The following GPT variants were observed in gnomAD, a reference collection of about 807,000 sequenced individuals.
GPT encodes the protein alanine aminotransferase 1.
Under a neutral mutation model 51.4 loss-of-function variants are expected in GPT, and 60 were observed. The observed-to-expected ratio is 1.17, with a 90% CI of 0.95 to 1.45. The LOEUF is 1.45. GPT is among the 40% of genes most tolerant of loss of function. GPT has a pLI of 0.00. For missense variants in GPT, 853 were observed against 704.0 expected (o/e 1.21, Z -2.40); for synonymous variants, 397 against 303.1 (o/e 1.31, Z -3.22).
In GPT at chr8:144,504,638, C is replaced by G. The variant is rs538669846; in HGVS notation, c.197C>G (p.Ala66Gly). Residue 66 changes from alanine (A) to glycine (G), a missense_variant, in exon 2 of 11, where the codon GCC (alanine) becomes GGC (glycine). By Grantham distance (60) the Ala-to-Gly change is moderately conservative. Transcript: ENST00000394955. ...VKKPFTEVIRANIGDAQAMGQ... is the reference protein window; with the variant it reads ...VKKPFTEVIRGNIGDAQAMGQ... ...AAGCCTTTCACCGAGGTCATCCGTG[C>G]CAACATCGGGGACGCACAGGCTATG... is the stretch of plus-strand genomic sequence containing the variant. The G allele has an allele frequency of 6.2e-7, 1 of 1,613,308 alleles. No individual in the cohort carries two copies. Among genetic ancestry groups the G allele is most frequent in the African/African-American group, 1.3e-5 (1 of 75,068 alleles).
At chr8:144,505,189 G>A (rs1228602672) in intron 4 of GPT, 57 bp from the exon 5 acceptor site, 1 of 1,612,506 alleles carries the variant, frequency 6.2e-7, no homozygotes, top group Non-Finnish European at 8.5e-7. Context: ...CGCCCAGGGT[G>A]GGGGACAGGT....
Position 144,506,987 on chromosome 8 carries a change from T to G in GPT, c.1478T>G (p.Leu493Arg). 6.2e-7 allele frequency: 1 copy of G among 1,611,936 alleles called. No homozygotes were observed. Among genetic ancestry groups the G allele is most frequent in the African/African-American group, 1.3e-5 (1 of 74,894 alleles). ...AGCAGGTTCCATGCCAAGTTCACCCTCGAGTACTCCTGAGCACCCCAGCTG... is the reference window on the plus strand; with the variant it reads ...AGCAGGTTCCATGCCAAGTTCACCCGCGAGTACTCCTGAGCACCCCAGCTG... Reference protein sequence around the residue: ...KLSRFHAKFTLEYS With the variant: ...KLSRFHAKFTREYS Residue 493 changes from leucine (L) to arginine (R), a missense_variant, in exon 11 of 11, where the codon CTC becomes CGC. Leu to Arg is a moderately radical substitution (Grantham distance 102). Transcript: ENST00000394955. The surrounding 1 kb of genome is among the most constrained non-coding windows in gnomAD (Gnocchi z 7.0).
rs777094565 is a variant in GPT at position 144,504,759 on chromosome 8, C to T, written c.253-12C>T. ...GCCCATGTGCCCTGGCCTCAGCACT[C>T]CGTCTTCCCAGGTCTTGGCCCTCTG... On this transcript the variant is annotated splice_polypyrimidine_tract_variant and intron_variant, in intron 2 of 10. Coordinates refer to ENST00000394955, the MANE Select transcript of GPT (RefSeq NM_005309.3). 5 of 1,610,816 alleles carry T rather than the reference C, an allele frequency of 3.1e-6. No individual in the cohort carries two copies. Among genetic ancestry groups the T allele is most frequent in the Non-Finnish European group, 4.2e-6 (5 of 1,177,418 alleles).
Position 144,506,695 on chromosome 8 carries a change from G to GGGGGGGGGGGGGGC in GPT, c.1288-36_1288-35insGGGGGGGGGGGGGC. ...GGGGCCTGCGGGGTGGGCAGGGGGG[G>GGGGGGGGGGGGGGC]CCGGGCATCCCTCTCTGACGGCTCT... is the stretch of plus-strand genomic sequence containing the variant. On this transcript the variant is annotated intron_variant, in intron 9 of 10. Transcript: ENST00000394955. The surrounding 1 kb of genome is among the most constrained non-coding windows in gnomAD (Gnocchi z 7.0). 6.7e-7 allele frequency: 1 copy of GGGGGGGGGGGGGGC among 1,498,262 alleles called. No homozygotes were observed. The highest frequency in any genetic ancestry group is 9.2e-7 in the Non-Finnish European group (1 of 1,082,374). The allele number at this position is 1,498,262 out of a possible 1,614,324, so 92.8% of individuals were successfully genotyped here. A position where few individuals can be genotyped will look rare whatever the true frequency, so the allele number is the denominator to read the frequency against.
chr8:144,505,807 C>T (rs375436494), intron 5 of GPT, 41 bp from the exon 6 acceptor site: 1 of 1,533,006 alleles, frequency 6.5e-7, no homozygotes, highest in Non-Finnish European at 8.8e-7. Flanking sequence ...GCAGTGCGCC[C>T]CCTTGGCTCA....
rs1330827081 is a variant in GPT at position 144,505,129 on chromosome 8, G to A, written c.493G>A (p.Val165Met). ...GTCCACAGGGGCCAGCGATGCCATCGTGGTAGGCTGGGCATGGGCACCAAG... is the reference window on the plus strand; with the variant it reads ...GTCCACAGGGGCCAGCGATGCCATCATGGTAGGCTGGGCATGGGCACCAAG... The part of the protein sequence containing the change: ...FLSTGASDAI[V>M]TVLKLLVAGE... Residue 165 changes from valine (V) to methionine (M), a missense_variant and splice_region_variant, in exon 4 of 11, where the codon GTG (valine) becomes ATG (methionine). By Grantham distance (21) the Val-to-Met change is conservative. Coordinates refer to ENST00000394955, the MANE Select transcript of GPT (RefSeq NM_005309.3). 12 of 1,612,878 alleles carry A rather than the reference G, an allele frequency of 7.4e-6. No individual in the cohort carries two copies. The highest frequency in any genetic ancestry group is 1.6e-4 in the Middle Eastern group (1 of 6,084).
rs1292211792 is a variant in GPT, at chr8:144,506,419, C to T, written c.1131+13C>T. On this transcript the variant is annotated intron_variant, in intron 8 of 10. Transcript: ENST00000394955. The surrounding 1 kb of genome is among the most constrained non-coding windows in gnomAD (Gnocchi z 7.0). ...GCAGTTCCAGGCTGTGAGTTGGGGG[C>T]AGGAGGGGGTCCAGGTGACCTAATC... 2 of 1,560,294 alleles carry T rather than the reference C, an allele frequency of 1.3e-6. No individual in the cohort carries two copies. The highest frequency in any genetic ancestry group is 2.4e-5 in the East Asian group (1 of 42,300).
chr8:144,505,708 C>T (rs1476096996), intron 5 of GPT, 140 bp from the exon 6 acceptor site: 3 of 508,432 alleles, frequency 5.9e-6, no homozygotes, highest in Non-Finnish European at 1.0e-5. Context: ...CGGTGCGTTC[C>T]CCGCCGCCCC....
At chr8:144,503,081 T>C, upstream of GPT, 1 of 152,476 alleles carries the variant, frequency 6.6e-6, no homozygotes, top group Non-Finnish European at 1.5e-5. Context: ...GGGGCAGGCC[T>C]GCGCACGGGG....
Position 144,505,431 on chromosome 8 carries a change from GGCGC to G in GPT, c.683_686del (p.Ala228ValfsTer30). The G allele has an allele frequency of 6.2e-7, 1 of 1,600,384 alleles. No individual in the cohort carries two copies. Among genetic ancestry groups the G allele is most frequent in the East Asian group, 2.3e-5 (1 of 44,318 alleles). On this transcript the variant is annotated frameshift_variant, in exon 5 of 11. Coordinates refer to ENST00000394955, the MANE Select transcript of GPT (RefSeq NM_005309.3). LOFTEE classifies it high-confidence loss of function. ...CCGAGCTTCACCGTGCACTGGGCCA[GGCGC>G]GTGACCACTGCCGCCCTCGTGCGCT...
Position 144,507,114 on chromosome 8 carries a change from G to GGGGGT in GPT, c.*114_*115insGGGGT. On this transcript the variant is annotated 3_prime_UTR_variant, in exon 11 of 11. Transcript: ENST00000394955. The stretch of plus-strand genomic sequence containing the variant: ...TGCCTGGCGGGGTGGGGTGGGGGGG[G>GGGGGT]TGCTGGGCCCCTGCCTCTCTGCAGG... 2.0e-6 allele frequency: 1 copy of GGGGGT among 498,332 alleles called. No homozygotes were observed. Among genetic ancestry groups the GGGGGT allele is most frequent in the Non-Finnish European group, 3.9e-6 (1 of 254,518 alleles). The allele number at this position is 498,332 out of a possible 1,614,324, so 30.9% of individuals were successfully genotyped here. A position where few individuals can be genotyped will look rare whatever the true frequency, so the allele number is the denominator to read the frequency against.
rs144588980 is a variant in GPT at position 144,505,017 on chromosome 8, C to G, written c.381C>G (p.Ser127=). Residue 127 remains serine, a synonymous_variant, in exon 4 of 11, where the codon TCC becomes TCG. Coordinates refer to ENST00000394955, the MANE Select transcript of GPT (RefSeq NM_005309.3). The part of the protein sequence containing the change: ...GHSLGAYSVS[S]GIQLIREDVA... ...GTCCAGGGGCCTACAGCGTCAGCTC[C>G]GGCATCCAGCTGATCCGGGAGGACG... 6.2e-7 allele frequency: 1 copy of G among 1,613,092 alleles called. No homozygotes were observed. Among genetic ancestry groups the G allele is most frequent in the Non-Finnish European group, 8.5e-7 (1 of 1,179,984 alleles).
chr8:144,504,494 C>T (rs1477718765), intron 1 of GPT, 28 bp downstream of exon 1: 2 of 1,607,802 alleles, frequency 1.2e-6, no homozygotes, highest in African/African-American at 1.3e-5. Flanking sequence ...TCGCTGCCCT[C>T]CAGGTCACAA....
In GPT at chr8:144,504,290, G is replaced by C; in HGVS notation, c.-15G>C. The C allele has an allele frequency of 6.2e-7, 1 of 1,606,314 alleles. No individual in the cohort carries two copies. The highest frequency in any genetic ancestry group is 8.5e-7 in the Non-Finnish European group (1 of 1,179,710). On this transcript the variant is annotated 5_prime_UTR_variant, in exon 1 of 11. Coordinates refer to ENST00000394955, the MANE Select transcript of GPT (RefSeq NM_005309.3). ...CACCTCCTGAGCTGCCTTCCCGCCTGGTCTGGGTAGAGTCATGGCCTCGAG... is the reference window on the plus strand; with the variant it reads ...CACCTCCTGAGCTGCCTTCCCGCCTCGTCTGGGTAGAGTCATGGCCTCGAG...
chr8:144,504,791 C>T lies in GPT; in HGVS notation c.273C>T (p.Asn91=). The change falls in exon 3 of 11, where the codon AAC becomes AAT. Residue 91 remains asparagine (N), a synonymous_variant. Coordinates refer to ENST00000394955, the MANE Select transcript of GPT (RefSeq NM_005309.3). The part of the protein sequence containing the change: ...FLRQVLALCV[N]PDLLSSPNFP... ...CCCAGGTCTTGGCCCTCTGTGTTAA[C>T]CCTGATCTTCTGAGCAGCCCCAACT... 1.2e-6 allele frequency: 2 copies of T among 1,610,404 alleles called. No homozygotes were observed. Among genetic ancestry groups the T allele is most frequent in the South Asian group, 1.1e-5 (1 of 91,056 alleles).
At position 144,506,323 on chromosome 8, in the gene GPT, C is replaced by T. The variant is rs1826803132; in HGVS notation, c.1048C>T (p.Pro350Ser). ...MLKLMSVRLCPPVPGQALLDL... is the reference protein window; with the variant it reads ...MLKLMSVRLCSPVPGQALLDL... ...GAAGCTGATGAGTGTGCGGCTGTGC[C>T]CGCCGGTGCCAGGACAGGCCCTGCT... is the stretch of plus-strand genomic sequence containing the variant. The change falls in exon 8 of 11, where the codon CCG becomes TCG. Residue 350 changes from proline to serine, a missense_variant. Transcript: ENST00000394955. This position sits in a 1 kb window ranked among gnomAD's most constrained non-coding sequence, Gnocchi z 7.0. 5 of 1,582,290 alleles carry T rather than the reference C, an allele frequency of 3.2e-6. No homozygotes were observed. The highest frequency in any genetic ancestry group is 4.3e-6 in the Non-Finnish European group (5 of 1,167,994).
chr8:144,503,920 G>T, upstream of GPT: 1 of 298,158 alleles, frequency 3.4e-6, no homozygotes, highest in South Asian at 3.2e-5. Context: ...CTCCCCCCAT[G>T]TCTAGTCCCT....
rs1826668362 is a variant in GPT at position 144,504,172 on chromosome 8, C to T, written c.-133C>T. On this transcript the variant is annotated 5_prime_UTR_variant, in exon 1 of 11. Transcript: ENST00000394955. ...CCAGCTGCGGTGAAGAGGGTGCTCT[C>T]TTGCCTGGAGTTCCCTCTGCTACGG... The T allele has an allele frequency of 3.2e-6, 3 of 939,496 alleles. No individual in the cohort carries two copies. The South Asian group carries it at 4.3e-5, about 13-fold the overall frequency. 58.2% of individuals were successfully genotyped at this position (939,496 alleles called of 1,614,324 possible). A position where few individuals can be genotyped will look rare whatever the true frequency, so the allele number is the denominator to read the frequency against.
rs112574791 is a variant in GPT, at chr8:144,504,838, G to A, written c.320G>A (p.Arg107Lys). 16,719 of 1,613,546 alleles carry A rather than the reference G, an allele frequency of 0.01. 119 individuals carry two copies. Among genetic ancestry groups the A allele is most frequent in the Non-Finnish European group, 0.013 (14,854 of 1,180,004 alleles). Residue 107 changes from arginine to lysine, a missense_variant, in exon 3 of 11, where the codon AGG becomes AAG. Coordinates refer to ENST00000394955, the MANE Select transcript of GPT (RefSeq NM_005309.3). Reference protein sequence around the residue: ...SPNFPDDAKKRAERILQACGG... With the variant: ...SPNFPDDAKKKAERILQACGG... Reference sequence around the variant, plus strand: ...AACTTCCCTGACGATGCCAAGAAAAGGGCGGAGCGCATCTTGCAGGCGTGT... The same window carrying A: ...AACTTCCCTGACGATGCCAAGAAAAAGGCGGAGCGCATCTTGCAGGCGTGT...
Sources: gnomAD v4.1 joint callset for allele counts on GRCh38, gnomAD v4.1.1 for gene constraint, Gnocchi (gnomAD v3.1) non-coding constraint, MANE v1.5 for transcripts, NCBI Gene and HGNC (gene_info 2026-07-23, HGNC 2026-07-21) for gene names.